Variants in RSPO2 observed in about 807,000 individuals in gnomAD.
RSPO2 encodes R-spondin-2.
A neutral mutation model predicts 30.9 loss-of-function variants in RSPO2; 14 were observed. The ratio of observed to expected loss-of-function variants is 0.45; its 90% CI spans 0.30 to 0.71. RSPO2 has a LOEUF of 0.71. Among genes scored for constraint, RSPO2 ranks in the 30% least tolerant of loss-of-function variants. RSPO2 has a pLI of 0.08. For synonymous variants in RSPO2, 107 were observed against 96.4 expected, an observed-to-expected ratio of 1.11 and a Z score of -0.64; for missense variants, 264 against 301.9, an observed-to-expected ratio of 0.87 and a Z score of 0.93.
intron 2 of RSPO2, among the ~76,000 whole-genome samples, chr8:108,014,297 G>A (rs760211421): frequency 6.6e-6 from 1 of 152,040 alleles, no homozygotes. Flanking sequence ...ATTCCTCAAG[G>A]ATCTAGAACC....
chr8:108,001,925 T>A (rs2514828), intron 2 of RSPO2, among the ~76,000 whole-genome samples: 93,213 of 151,866 alleles, frequency 0.61, 29,990 homozygotes, highest in African/African-American at 0.76. Context: ...TTAGGAGAAA[T>A]ACCTAACGCA....
intron 2 of RSPO2, among the ~76,000 whole-genome samples, chr8:108,034,310 AAC>A (rs763662903): frequency 2.0e-5 from 3 of 152,124 alleles, no homozygotes; most frequent in East Asian, 1.9e-4. Context: ...AACTATTTTA[AAC>A]ACACACACAC....
At chr8:107,935,263 G>A (rs1178731153) in intron 5 of RSPO2, among the ~76,000 whole-genome samples, 3 of 152,014 alleles carry the variant, frequency 2.0e-5, no homozygotes. Context: ...ACATACTACT[G>A]TAAATCTTCA....
At chr8:107,997,904 A>C (rs1398801522) in intron 2 of RSPO2, among the ~76,000 whole-genome samples, 1 of 152,168 alleles carries the variant, frequency 6.6e-6, no homozygotes, top group African/African-American at 2.4e-5. Context: ...CTTTTAAAAA[A>C]ATGTGTTCCG....
chr8:107,940,864 C>T (rs1260623733), intron 5 of RSPO2, among the ~76,000 whole-genome samples: 1 of 152,170 alleles, frequency 6.6e-6, no homozygotes, highest in Non-Finnish European at 1.5e-5. Flanking sequence ...CAGCTCCCTT[C>T]TGATACAGTT....
At chr8:107,991,450 T>G (rs1814845861) in intron 2 of RSPO2, among the ~76,000 whole-genome samples, 1 of 152,014 alleles carries the variant, frequency 6.6e-6, no homozygotes, top group African/African-American at 2.4e-5. Context: ...ATAAAAACCC[T>G]GGAAGAAAAC....
Position 108,082,556 on chromosome 8 carries a change from C to A in RSPO2, c.83G>T (p.Arg28Leu), listed in dbSNP as rs777420823. 6.2e-7 allele frequency: 1 copy of A among 1,613,786 alleles called. No homozygotes were observed. The highest frequency in any genetic ancestry group is 1.1e-5 in the South Asian group (1 of 91,080). The change falls in exon 2 of 6, where the codon CGC (arginine) becomes CTC (leucine). Residue 28 changes from arginine (R) to leucine (L), a missense_variant. By Grantham distance (102) the Arg-to-Leu change is moderately radical. Coordinates refer to ENST00000276659, the MANE Select transcript of RSPO2 (RefSeq NM_178565.5). ...YSHCQGNRWR[R>L]SKRASYVSNP... ...AGAGAGGGACCCACCTCGCTTACTG[C>A]GTCTCCATCGGTTGCCTTGGCAGTG...
intron 5 of RSPO2, among the ~76,000 whole-genome samples, chr8:107,924,528 A>G (rs1264456315): frequency 1.3e-5 from 2 of 152,044 alleles, no homozygotes; most frequent in Non-Finnish European, 2.9e-5. Flanking sequence ...AAGATCAAGA[A>G]GCCAAAATGG....
chr8:108,003,760 T>C (rs1815361247), intron 2 of RSPO2, among the ~76,000 whole-genome samples: 1 of 152,180 alleles, frequency 6.6e-6, no homozygotes, highest in South Asian at 2.1e-4. Flanking sequence ...ATGCTTCTGA[T>C]GTATAATTTT....
At chr8:107,909,792 T>C (rs1378892363) in intron 5 of RSPO2, among the ~76,000 whole-genome samples, 1 of 152,242 alleles carries the variant, frequency 6.6e-6, no homozygotes, top group Non-Finnish European at 1.5e-5. Flanking sequence ...GCTTATTCTT[T>C]TTCTTACATT....
chr8:107,958,157 G>T lies in RSPO2; in HGVS notation c.539C>A (p.Pro180Gln), dbSNP rs1017150632. ...ETRTRQIVKK[P>Q]VKDTILCPTI... is the part of the protein sequence containing the mutation. ...TGGACACAGTATTGTGTCTTTCACT[G>T]GCTTTTTAACAATTTGCCGTGTTCT... The change falls in exon 5 of 6, where the codon CCA (proline) becomes CAA (glutamine). Residue 180 changes from proline to glutamine, a missense_variant. Pro to Gln is a moderately conservative substitution (Grantham distance 76). Coordinates refer to ENST00000276659, the MANE Select transcript of RSPO2 (RefSeq NM_178565.5). The T allele has an allele frequency of 1.9e-6, 3 of 1,613,648 alleles. No homozygotes were observed. In the Admixed American group the frequency reaches 5.0e-5, roughly 27 times the overall value.
chr8:107,965,915 C>T lies in RSPO2; in HGVS notation c.284-5098G>A, dbSNP rs536230858. ...GGAGAATGTAACTATCAAAGGAAGG[C>T]GGGTGATGTGTGCTATAAGTTGGAA... is the stretch of plus-strand genomic sequence containing the variant. On this transcript the variant is annotated intron_variant, in intron 3 of 5. Coordinates refer to ENST00000276659, the MANE Select transcript of RSPO2 (RefSeq NM_178565.5). 1.1e-4 allele frequency among the ~76,000 whole-genome samples: 17 copies of T among 152,134 alleles called. No individual in the cohort carries two copies. The South Asian group carries it at 2.1e-3, about 19-fold the overall frequency.
chr8:108,065,338 G>A (rs995636025), intron 2 of RSPO2, among the ~76,000 whole-genome samples: 4 of 145,702 alleles, frequency 2.7e-5, no homozygotes, highest in East Asian at 2.0e-4. Flanking sequence ...TTACTAGTAA[G>A]AAAAGCACAC....
chr8:107,996,033 G>A (rs1032289412), intron 2 of RSPO2, among the ~76,000 whole-genome samples: 1 of 152,032 alleles, frequency 6.6e-6, no homozygotes, highest in East Asian at 1.9e-4. Context: ...ATCATTCTTA[G>A]TATCCTGAGT....
chr8:107,958,235 C>G lies in RSPO2; in HGVS notation c.461G>C (p.Gly154Ala). ...GCEVGHWSEW[G>A]TCSRNNRTCG... Reference sequence around the variant, plus strand: ...TGTGCGATTATTTCTGCTACAAGTTCCCCATTCGCTCCAATGACCAACTTC... The same window carrying G: ...TGTGCGATTATTTCTGCTACAAGTTGCCCATTCGCTCCAATGACCAACTTC... The change falls in exon 5 of 6, where the codon GGA becomes GCA. Residue 154 changes from glycine (G) to alanine (A), a missense_variant. By Grantham distance (60) the Gly-to-Ala change is moderately conservative (BLOSUM62 0). Coordinates refer to ENST00000276659, the MANE Select transcript of RSPO2 (RefSeq NM_178565.5). The G allele has an allele frequency of 6.2e-7, 1 of 1,613,696 alleles. No individual in the cohort carries two copies. The highest frequency in any genetic ancestry group is 8.5e-7 in the Non-Finnish European group (1 of 1,179,790).
intron 2 of RSPO2, among the ~76,000 whole-genome samples, chr8:108,042,985 A>G (rs1811802157): frequency 6.6e-6 from 1 of 152,118 alleles, no homozygotes; most frequent in South Asian, 2.1e-4. Context: ...TGAAATAAAC[A>G]CTTATAAAGG....
chr8:107,969,411 C>G (rs1813923026), intron 3 of RSPO2, among the ~76,000 whole-genome samples: 1 of 152,086 alleles, frequency 6.6e-6, no homozygotes, highest in African/African-American at 2.4e-5. Context: ...ACTCCAAATT[C>G]AAACTTTTGC....
In RSPO2 at chr8:107,981,623, G is replaced by A. The variant is rs187678428; in HGVS notation, c.283+7433C>T. On this transcript the variant is annotated intron_variant, in intron 3 of 5. Coordinates refer to ENST00000276659, the MANE Select transcript of RSPO2 (RefSeq NM_178565.5). Reference sequence around the variant, plus strand: ...AAAACACCTAAATAGTGATCTTGGAGTTCACAAATTAAAAGATGATATTTA... The same window carrying A: ...AAAACACCTAAATAGTGATCTTGGAATTCACAAATTAAAAGATGATATTTA... Among the ~76,000 whole-genome samples the A allele has an allele frequency of 2.6e-4, 40 of 152,246 alleles. No individual in the cohort carries two copies. The East Asian group carries it at 6.4e-3, about 24-fold the overall frequency.
intron 5 of RSPO2, among the ~76,000 whole-genome samples, chr8:107,911,202 C>T (rs1177112826): frequency 6.6e-6 from 1 of 152,138 alleles, no homozygotes; most frequent in African/African-American, 2.4e-5. Context: ...TTTGGCTTAC[C>T]TCCCTCTTAT....
Sources: allele counts gnomAD v4.1 joint callset (sites outside exome capture counted in the v4.1 genomes callset), GRCh38; gene constraint gnomAD v4.1.1; transcripts MANE v1.5; gene names NCBI Gene and HGNC (gene_info 2026-07-23, HGNC 2026-07-21).